The following SAA2 variants were observed in gnomAD, a reference collection of about 807,000 sequenced individuals.
SAA2 encodes serum amyloid A2, also known as serum amyloid A-2 protein.
Under a neutral mutation model 9.1 loss-of-function variants are expected in SAA2, and 5 were observed. The observed-to-expected ratio is 0.55, with a 90% CI of 0.29 to 1.16. The LOEUF (loss-of-function observed/expected upper bound fraction) is 1.16, where lower values mean the gene tolerates loss of function less well. Among genes scored for constraint, SAA2 ranks in the 50% most tolerant of loss-of-function variants. The probability of loss-of-function intolerance (pLI) is 0.09; values close to 1 mark genes in which losing one functional copy is unlikely to be tolerated. For synonymous variants in SAA2, 49 were observed against 59.8 expected (o/e 0.82, Z 0.83); for missense variants, 94 against 153.8 (o/e 0.61, Z 2.06).
chr11:18,244,192 G>A (rs1857431069), downstream of SAA2, among the ~76,000 whole-genome samples: 1 of 152,218 alleles, frequency 6.6e-6, no homozygotes, highest in African/African-American at 2.4e-5. Context: ...TAACAAAATA[G>A]TACAGCCATG....
rs1233683260 is a variant in SAA2 at position 18,245,303 on chromosome 11, G to A, written c.*74C>T. The A allele has an allele frequency of 2.5e-6, 4 of 1,596,366 alleles. No homozygotes were observed. In the African/African-American group the frequency reaches 5.4e-5, roughly 21 times the overall value. On this transcript the variant is annotated 3_prime_UTR_variant, in exon 4 of 4. Transcript: ENST00000256733. ...CCATATCTCAGCTTCTCTGGACATA[G>A]ACCTCACTAACTTTGTATCCCTGCC...
chr11:18,239,742 T>G (rs1456001821), exon 4 of SAA2: 6 of 517,982 alleles, frequency 1.2e-5, no homozygotes, highest in Non-Finnish European at 2.0e-5. Flanking sequence ...TCCTCCAAAC[T>G]TCTTAGAGAA....
exon 4 of SAA2, chr11:18,239,722 A>G (rs1391848106): frequency 2.5e-5 from 12 of 473,118 alleles, no homozygotes; most frequent in Non-Finnish European, 4.5e-5. Flanking sequence ...GTTTTGCTGT[A>G]TCCAGCTTCT....
Position 18,245,527 on chromosome 11 carries a change from G to A in SAA2, c.231-12C>T. 6.2e-7 allele frequency: 1 copy of A among 1,613,854 alleles called. No individual in the cohort carries two copies. The highest frequency in any genetic ancestry group is 8.5e-7 in the Non-Finnish European group (1 of 1,179,776). ...TCTCTCTGGCATTGCTGTAGTCCAGGCAGGCAAGAAGGAGATTAATCATCA... is the reference window on the plus strand; with the variant it reads ...TCTCTCTGGCATTGCTGTAGTCCAGACAGGCAAGAAGGAGATTAATCATCA... On this transcript the variant is annotated splice_polypyrimidine_tract_variant and intron_variant, in intron 3 of 3. Coordinates refer to ENST00000256733, the MANE Select transcript of SAA2 (RefSeq NM_030754.5).
At chr11:18,241,269 C>T (rs909564223), downstream of SAA2, among the ~76,000 whole-genome samples, 1 of 152,114 alleles carries the variant, frequency 6.6e-6, no homozygotes, top group African/African-American at 2.4e-5. Flanking sequence ...AAAGGGAATG[C>T]TTATACACTG....
At chr11:18,239,386 G>T (rs963976323) in exon 4 of SAA2, 2 of 249,424 alleles carry the variant, frequency 8.0e-6, no homozygotes, top group Admixed American at 5.5e-5. Flanking sequence ...AGTAGTTGGA[G>T]TTCATTTTCT....
exon 4 of SAA2, chr11:18,239,497 A>G: frequency 2.6e-6 from 1 of 390,112 alleles, no homozygotes; most frequent in East Asian, 3.6e-5. Context: ...ACCATCTCCC[A>G]TTCTCTCTTA....
In SAA2 at chr11:18,245,530, G is replaced by A. The variant is rs762878479; in HGVS notation, c.231-15C>T. The A allele has an allele frequency of 6.2e-7, 1 of 1,613,746 alleles. No individual in the cohort carries two copies. Among genetic ancestry groups the A allele is most frequent in the East Asian group, 2.2e-5 (1 of 44,874 alleles). On this transcript the variant is annotated splice_polypyrimidine_tract_variant and intron_variant, in intron 3 of 3. Transcript: ENST00000256733. ...CTCTGGCATTGCTGTAGTCCAGGCA[G>A]GCAAGAAGGAGATTAATCATCAGGC...
At chr11:18,239,911 T>C (rs377373462) in exon 4 of SAA2, 4 of 1,547,588 alleles carry the variant, frequency 2.6e-6, no homozygotes, top group Admixed American at 2.0e-5. Flanking sequence ...GCCTGGGTCA[T>C]GTAGGAGTGA....
At chr11:18,243,283 C>T (rs1233643082), downstream of SAA2, among the ~76,000 whole-genome samples, 1 of 152,118 alleles carries the variant, frequency 6.6e-6, no homozygotes, top group Non-Finnish European at 1.5e-5. Flanking sequence ...TCTACAAAGA[C>T]TAGACTTTGA....
chr11:18,245,185 C>A, downstream of SAA2: 1 of 1,354,384 alleles, frequency 7.4e-7, no homozygotes. Flanking sequence ...ATTGATTTCC[C>A]TTTTGTACCA....
At chr11:18,241,998 T>C (rs564563873), downstream of SAA2, 1 of 152,202 alleles carries the variant, frequency 6.6e-6, no homozygotes, top group Non-Finnish European at 1.5e-5. Flanking sequence ...CCTAATTCAA[T>C]GACATGTTTA....
chr11:18,244,131 G>T (rs544057210), downstream of SAA2, among the ~76,000 whole-genome samples: 2 of 152,322 alleles, frequency 1.3e-5, no homozygotes, highest in East Asian at 3.9e-4. Context: ...TCAGTAGGAT[G>T]TCCATGATGT....
downstream of SAA2, among the ~76,000 whole-genome samples, chr11:18,241,607 A>C (rs1857348559): frequency 6.6e-6 from 1 of 152,212 alleles, no homozygotes. Flanking sequence ...CTTTTGCTGC[A>C]ACATAGATAG....
downstream of SAA2, among the ~76,000 whole-genome samples, chr11:18,244,870 G>A (rs1352906260): frequency 1.3e-5 from 2 of 152,146 alleles, no homozygotes; most frequent in African/African-American, 2.4e-5. Flanking sequence ...GGAAGACTCG[G>A]GTGGCAGTCG....
intron 2 of SAA2, among the ~76,000 whole-genome samples, chr11:18,247,064 G>A (rs1341483588): frequency 6.6e-6 from 1 of 152,268 alleles, no homozygotes; most frequent in African/African-American, 2.4e-5. Context: ...CTGCTGACTG[G>A]CAGTAAGTCC....
At chr11:18,242,753 G>A, downstream of SAA2, 1 of 700,004 alleles carries the variant, frequency 1.4e-6, no homozygotes, top group Non-Finnish European at 2.6e-6. Flanking sequence ...GGCTGAAGTG[G>A]GAGGATCTCT....
At chr11:18,243,807 G>C (rs1317602972), downstream of SAA2, among the ~76,000 whole-genome samples, 1 of 151,996 alleles carries the variant, frequency 6.6e-6, no homozygotes, top group African/African-American at 2.4e-5. Flanking sequence ...CTTTTTCAGA[G>C]AAAAGGGGTA....
chr11:18,242,236 GA>G (rs932467809), downstream of SAA2: 1 of 152,248 alleles, frequency 6.6e-6, no homozygotes, highest in Non-Finnish European at 1.5e-5. Flanking sequence ...AGAAACTCAG[GA>G]AAGTGTAATT....
Sources: gnomAD v4.1 joint callset for allele counts (sites outside exome capture counted in the v4.1 genomes callset) on GRCh38, gnomAD v4.1.1 for gene constraint, MANE v1.5 for transcripts, NCBI Gene and HGNC (gene_info 2026-07-23, HGNC 2026-07-21) for gene names.